Variants in MYH15 observed in about 807,000 individuals in gnomAD.
MYH15 encodes myosin-15.
MYH15 carries 227 observed loss-of-function variants against 240.5 expected under a neutral mutation model. The observed-to-expected ratio is 0.94, with a 90% CI of 0.85 to 1.05. MYH15 has a LOEUF of 1.05. Among genes scored for constraint, MYH15 ranks in the 50% least tolerant of loss-of-function variants. MYH15 has a pLI of 0.00. For missense variants in MYH15, 2,217 were observed against 2,247.5 expected, an observed-to-expected ratio of 0.99 and a Z score of 0.27; for synonymous variants, 785 against 796.7, an observed-to-expected ratio of 0.99 and a Z score of 0.25.
At chr3:108,400,548 C>T (rs190412460) in intron 33 of MYH15, among the ~76,000 whole-genome samples, 12 of 152,252 alleles carry the variant, frequency 7.9e-5, no homozygotes, top group East Asian at 3.9e-4. Flanking sequence ...GCATACAGGC[C>T]GGGCGCAGTG....
At chr3:108,409,822 G>T (rs2082574452) in intron 31 of MYH15, among the ~76,000 whole-genome samples, 2 of 152,082 alleles carry the variant, frequency 1.3e-5, no homozygotes. Flanking sequence ...CATGTATAGG[G>T]ATATATAATG....
intron 2 of MYH15, among the ~76,000 whole-genome samples, chr3:108,505,156 GA>G (rs1244934783): frequency 6.6e-6 from 1 of 152,132 alleles, no homozygotes; most frequent in Admixed American, 6.5e-5. Flanking sequence ...AAACATTGAT[GA>G]AAAAGTAGAA....
intron 28 of MYH15, among the ~76,000 whole-genome samples, chr3:108,420,432 T>A (rs1293100544): frequency 6.6e-6 from 1 of 152,206 alleles, no homozygotes; most frequent in Non-Finnish European, 1.5e-5. Flanking sequence ...GCAGGGCCTA[T>A]CCTGACTTTG....
chr3:108,438,442 A>T (rs960878446), intron 24 of MYH15, among the ~76,000 whole-genome samples: 1 of 152,236 alleles, frequency 6.6e-6, no homozygotes, highest in African/African-American at 2.4e-5. Context: ...ACAATGGAAG[A>T]TATCCTCTGT....
Position 108,383,615 on chromosome 3 carries a change from CTTTAAT to C in MYH15, c.5740_5745del (p.Ile1914_Lys1915del), listed in dbSNP as rs951353754. The C allele has an allele frequency of 4.3e-6, 7 of 1,612,942 alleles. No homozygotes were observed. In the African/African-American group the frequency reaches 6.7e-5, roughly 15 times the overall value. ...CATACCTTTTTCCCAAACTCTCTTG[CTTTAAT>C]TTTGAGTTTATTGACTTGAGATTCT... On this transcript the variant is annotated inframe_deletion, in exon 40 of 41. Transcript: ENST00000693548.
At chr3:108,469,109 T>C (rs1219910719) in intron 14 of MYH15, among the ~76,000 whole-genome samples, 1 of 152,240 alleles carries the variant, frequency 6.6e-6, no homozygotes, top group Non-Finnish European at 1.5e-5. Flanking sequence ...GAAATAATAG[T>C]TATTTTCAAG....
At chr3:108,438,599 C>A (rs947113110) in intron 24 of MYH15, among the ~76,000 whole-genome samples, 47 of 152,142 alleles carry the variant, frequency 3.1e-4, no homozygotes, top group African/African-American at 9.9e-4. Flanking sequence ...GAAGGTAGAG[C>A]CCCCATGAAT....
intron 33 of MYH15, among the ~76,000 whole-genome samples, chr3:108,403,466 A>C (rs1425613990): frequency 6.9e-6 from 1 of 144,628 alleles, no homozygotes; most frequent in South Asian, 2.2e-4. Context: ...TCCCTGGCTT[A>C]TCGTTGATTG....
At chr3:108,521,427 T>C (rs770820879) in intron 1 of MYH15, among the ~76,000 whole-genome samples, 5 of 152,026 alleles carry the variant, frequency 3.3e-5, no homozygotes, top group Middle Eastern at 3.4e-3. Context: ...CTTTGAGTTA[T>C]AGGAAATAGT....
chr3:108,453,288 A>G (rs2082990292), intron 21 of MYH15, among the ~76,000 whole-genome samples: 1 of 152,206 alleles, frequency 6.6e-6, no homozygotes, highest in South Asian at 2.1e-4. Flanking sequence ...TGACATCACC[A>G]TGTAATAATC....
chr3:108,412,659 A>G (rs1490030274), intron 30 of MYH15, among the ~76,000 whole-genome samples: 1 of 152,234 alleles, frequency 6.6e-6, no homozygotes, highest in Non-Finnish European at 1.5e-5. Flanking sequence ...GCACCTACTT[A>G]GTTATCTCGA....
At chr3:108,392,352 CTTCTAT>C (rs1363039233) in intron 36 of MYH15, among the ~76,000 whole-genome samples, 1 of 152,188 alleles carries the variant, frequency 6.6e-6, no homozygotes, top group Non-Finnish European at 1.5e-5. Context: ...TCACATCTCA[CTTCTAT>C]AATTCTGTGA....
At chr3:108,390,261 T>C (rs1293073782) in intron 37 of MYH15, among the ~76,000 whole-genome samples, 1 of 152,204 alleles carries the variant, frequency 6.6e-6, no homozygotes, top group Non-Finnish European at 1.5e-5. Flanking sequence ...ATCATTCTAA[T>C]AGGTAATGAT....
At chr3:108,470,546 GAT>G (rs1413386611) in intron 13 of MYH15, 150 bp downstream of exon 13, 3 of 637,520 alleles carry the variant, frequency 4.7e-6, no homozygotes, top group Non-Finnish European at 7.7e-6. Context: ...AATTATTATT[GAT>G]ATTAATTATA....
chr3:108,428,882 C>T lies in MYH15; in HGVS notation c.3313-1G>A. The T allele has an allele frequency of 6.3e-7, 1 of 1,589,154 alleles. No homozygotes were observed. Among genetic ancestry groups the T allele is most frequent in the Non-Finnish European group, 8.5e-7 (1 of 1,171,738 alleles). ...TCTCTTTCAAATCCTTTATTTGAGT[C>T]TGTAGCAAGAAATAATTTTGACTTT... On this transcript the variant is annotated splice_acceptor_variant, in intron 26 of 40. Coordinates refer to ENST00000693548, the MANE Select transcript of MYH15 (RefSeq NM_014981.3). LOFTEE classifies it high-confidence loss of function.
intron 12 of MYH15, among the ~76,000 whole-genome samples, chr3:108,473,175 T>G (rs992774960): frequency 6.6e-6 from 1 of 152,210 alleles, no homozygotes; most frequent in East Asian, 1.9e-4. Flanking sequence ...GCCCGGCTAA[T>G]TTTTTGTATT....
chr3:108,397,777 G>C (rs2082473099), intron 35 of MYH15, among the ~76,000 whole-genome samples: 1 of 152,142 alleles, frequency 6.6e-6, no homozygotes, highest in African/African-American at 2.4e-5. Flanking sequence ...GAATTGTTAG[G>C]GCTTTCCTGG....
At chr3:108,489,519 C>A (rs564750898) in intron 9 of MYH15, among the ~76,000 whole-genome samples, 1 of 152,240 alleles carries the variant, frequency 6.6e-6, no homozygotes, top group South Asian at 2.1e-4. Flanking sequence ...ATGCCTGGAA[C>A]AAGGGTCAGA....
Position 108,410,798 on chromosome 3 carries a change from A to G in MYH15, c.4280T>C (p.Val1427Ala), listed in dbSNP as rs374123168. 150 of 1,614,074 alleles carry G rather than the reference A, an allele frequency of 9.3e-5. 1 individual carries two copies. The highest frequency in any genetic ancestry group is 1.8e-4 in the South Asian group (16 of 91,080). Residue 1427 changes from valine (V) to alanine (A), a missense_variant, in exon 31 of 41, where the codon GTC becomes GCC. By Grantham distance (64) the Val-to-Ala change is moderately conservative (BLOSUM62 0). Coordinates refer to ENST00000693548, the MANE Select transcript of MYH15 (RefSeq NM_014981.3). ...GTCCAGCCTGGCTGCTGCAGAGCGG[A>G]CCTTCCCGAGGTCAGACAGGGCGTC... The part of the protein sequence containing the change: ...LGDALSDLGK[V>A]RSAAARLDQK...
Sources: allele counts gnomAD v4.1 joint callset (sites outside exome capture counted in the v4.1 genomes callset), GRCh38; gene constraint gnomAD v4.1.1; transcripts MANE v1.5; gene names NCBI Gene and HGNC (gene_info 2026-07-23, HGNC 2026-07-21).